Variants in PRUNE2 observed in about 807,000 individuals in gnomAD.
PRUNE2 encodes the protein prune homolog 2 with BCH domain, also known as protein prune homolog 2.
Under a neutral mutation model 252.0 loss-of-function variants are expected in PRUNE2, and 164 were observed. That is an observed-to-expected ratio of 0.65 (90% CI 0.57 to 0.74). The LOEUF is 0.74. PRUNE2 is among the 30% of genes least tolerant of loss of function. The pLI is 0.00. For synonymous variants in PRUNE2, 1,292 were observed against 1,350.2 expected (o/e 0.96, Z 0.94); for missense variants, 3,495 against 3,711.0 (o/e 0.94, Z 1.51).
intron 1 of PRUNE2, among the ~76,000 whole-genome samples, chr9:76,881,152 G>C (rs1169788761): frequency 6.6e-6 from 1 of 152,008 alleles, no homozygotes; most frequent in Non-Finnish European, 1.5e-5. Flanking sequence ...ATTTTTAGTA[G>C]AGACAGGGTT....
chr9:76,734,445 C>A (rs2048900927), intron 6 of PRUNE2, among the ~76,000 whole-genome samples: 1 of 152,106 alleles, frequency 6.6e-6, no homozygotes, highest in Admixed American at 6.5e-5. Flanking sequence ...CTCAGCTATG[C>A]CACTTCTCAT....
At chr9:76,807,140 AGCTCCT>A in intron 6 of PRUNE2, among the ~76,000 whole-genome samples, 1 of 151,828 alleles carries the variant, frequency 6.6e-6, no homozygotes, top group South Asian at 2.1e-4. Flanking sequence ...GGCATACCAC[AGCTCCT>A]GCAGCCTTAA....
chr9:76,817,367 G>A (rs922105067), intron 6 of PRUNE2, among the ~76,000 whole-genome samples: 4 of 152,174 alleles, frequency 2.6e-5, no homozygotes, highest in Non-Finnish European at 5.9e-5. Flanking sequence ...TTACCTCTAA[G>A]ATAGAGATTA....
intron 1 of PRUNE2, among the ~76,000 whole-genome samples, chr9:76,869,768 C>T (rs140461175): frequency 1.3e-5 from 2 of 152,320 alleles, no homozygotes; most frequent in African/African-American, 4.8e-5. Flanking sequence ...CAGAGGCTTC[C>T]CACCTTGGGA....
chr9:76,860,914 G>C (rs1281120876), intron 1 of PRUNE2, among the ~76,000 whole-genome samples: 2 of 152,196 alleles, frequency 1.3e-5, no homozygotes, highest in East Asian at 3.8e-4. Context: ...CCTCCCAGAA[G>C]ACTGGCTGCA....
chr9:76,777,170 A>G (rs549325359), intron 6 of PRUNE2, among the ~76,000 whole-genome samples: 1 of 152,250 alleles, frequency 6.6e-6, no homozygotes, highest in Non-Finnish European at 1.5e-5. Flanking sequence ...GAAGAAATGC[A>G]ATGACCCAAA....
chr9:76,719,052 T>C (rs1249833577), intron 6 of PRUNE2, among the ~76,000 whole-genome samples: 1 of 152,184 alleles, frequency 6.6e-6, no homozygotes, highest in Non-Finnish European at 1.5e-5. Flanking sequence ...GCCAGAACTT[T>C]AGCAGCAGCA....
chr9:76,788,848 C>G (rs1248106914), intron 6 of PRUNE2, among the ~76,000 whole-genome samples: 2 of 152,134 alleles, frequency 1.3e-5, no homozygotes, highest in East Asian at 3.9e-4. Flanking sequence ...AGGTCCCAAT[C>G]TGTGTCTCTG....
At chr9:76,806,522 T>G (rs1229688606) in intron 6 of PRUNE2, among the ~76,000 whole-genome samples, 1 of 151,224 alleles carries the variant, frequency 6.6e-6, no homozygotes, top group Admixed American at 6.6e-5. Context: ...TTTTTTTTTT[T>G]TTTGAGACGG....
chr9:76,680,884 T>A (rs1357248290), intron 9 of PRUNE2, among the ~76,000 whole-genome samples: 1 of 152,124 alleles, frequency 6.6e-6, no homozygotes, highest in Non-Finnish European at 1.5e-5. Context: ...CAACCGGATC[T>A]CGTGAGAACT....
intron 6 of PRUNE2, among the ~76,000 whole-genome samples, chr9:76,807,678 T>A (rs56299452): frequency 0.13 from 20,345 of 152,116 alleles, 1,390 homozygotes; most frequent in Non-Finnish European, 0.15. Flanking sequence ...CAGTGTGATG[T>A]TCATGGCATT....
chr9:76,622,043 G>A (rs554757731), intron 17 of PRUNE2, among the ~76,000 whole-genome samples: 1 of 152,230 alleles, frequency 6.6e-6, no homozygotes, highest in Admixed American at 6.5e-5. Flanking sequence ...CTTTGGGGGT[G>A]AGACATGGGA....
intron 13 of PRUNE2, 29 bp downstream of exon 13, chr9:76,638,157 C>A: frequency 1.4e-6 from 2 of 1,428,900 alleles, no homozygotes; most frequent in South Asian, 2.3e-5. Flanking sequence ...GACATTAACT[C>A]AAAGCACTTT....
At chr9:76,889,847 A>C (rs2062357708) in intron 1 of PRUNE2, among the ~76,000 whole-genome samples, 1 of 151,760 alleles carries the variant, frequency 6.6e-6, no homozygotes, top group South Asian at 2.1e-4. Flanking sequence ...GACACTCACT[A>C]CTCAGATTTG....
intron 15 of PRUNE2, among the ~76,000 whole-genome samples, chr9:76,633,747 G>A (rs1055478886): frequency 6.6e-6 from 1 of 152,062 alleles, no homozygotes; most frequent in African/African-American, 2.4e-5. Flanking sequence ...AATGTTTGCT[G>A]GTTCCTGCTT....
intron 9 of PRUNE2, among the ~76,000 whole-genome samples, chr9:76,694,722 G>C (rs548848511): frequency 6.6e-6 from 1 of 151,828 alleles, no homozygotes; most frequent in East Asian, 1.9e-4. Flanking sequence ...GGGCATTTGA[G>C]GAAATGCATT....
chr9:76,615,769 G>T (rs372565344), intron 18 of PRUNE2, among the ~76,000 whole-genome samples: 7 of 93,992 alleles, frequency 7.4e-5, no homozygotes, highest in Non-Finnish European at 9.7e-5. Context: ...TGTGTGTGTG[G>T]TTTTTTTTTT....
At chr9:76,904,216 C>T (rs183171601) in intron 1 of PRUNE2, among the ~76,000 whole-genome samples, 246 of 152,132 alleles carry the variant, frequency 1.6e-3, no homozygotes, top group African/African-American at 5.6e-3. Flanking sequence ...TTTCAAACAA[C>T]CGCTTCTCTT....
chr9:76,815,606 C>T (rs1466229674), intron 6 of PRUNE2, among the ~76,000 whole-genome samples: 1 of 152,208 alleles, frequency 6.6e-6, no homozygotes, highest in Non-Finnish European at 1.5e-5. Flanking sequence ...TAAATTTCAA[C>T]ATATACATTT....
Sources: allele counts gnomAD v4.1 joint callset (sites outside exome capture counted in the v4.1 genomes callset), GRCh38; gene constraint gnomAD v4.1.1; transcripts MANE v1.5; gene names NCBI Gene and HGNC (gene_info 2026-07-23, HGNC 2026-07-21).